The following PUM1 variants were observed in gnomAD, a reference collection of about 807,000 sequenced individuals.
The protein encoded by PUM1 is pumilio homolog 1.
A neutral mutation model predicts 131.8 loss-of-function variants in PUM1; 13 were observed. The ratio of observed to expected loss-of-function variants is 0.10; its 90% CI spans 0.06 to 0.16. PUM1 has a LOEUF of 0.16. PUM1 is among the 10% of genes least tolerant of loss of function. The probability of loss-of-function intolerance (pLI) is 1.00; values close to 1 mark genes in which losing one functional copy is unlikely to be tolerated. For missense variants in PUM1, 961 were observed against 1,512.4 expected (o/e 0.64, Z 6.05); for synonymous variants, 509 against 556.5 (o/e 0.91, Z 1.20).
chr1:31,020,612 G>A (rs1405171473), intron 3 of PUM1, among the ~76,000 whole-genome samples: 1 of 152,088 alleles, frequency 6.6e-6, no homozygotes, highest in Non-Finnish European at 1.5e-5. Context: ...CAGCCCGACT[G>A]AGATAACAAA....
Position 31,026,365 on chromosome 1 carries a change from C to G in PUM1, c.432+2431G>C, listed in dbSNP as rs565572775. Among the ~76,000 whole-genome samples the G allele has an allele frequency of 1.1e-4, 16 of 152,200 alleles. No individual in the cohort carries two copies. The South Asian group carries it at 3.3e-3, about 32-fold the overall frequency. On this transcript the variant is annotated intron_variant, in intron 3 of 21. Coordinates refer to ENST00000426105, the MANE Select transcript of PUM1 (RefSeq NM_001020658.2). ...CTCTTAATCTGTACCTATCCAAAGC[C>G]TAACTAAACTAGAAGATGCTTTTTA...
Position 31,056,609 on chromosome 1 carries a change from C to CTTTTTTTTTT in PUM1, c.363+2585_363+2594dup, listed in dbSNP as rs57685772. The stretch of plus-strand genomic sequence containing the variant: ...CAGCTGAAAACCTTCCTTTTCTTTT[C>CTTTTTTTTTT]TTTTTTTTTTTTTTTTTTTTTTTTT... On this transcript the variant is annotated intron_variant, in intron 2 of 21. Transcript: ENST00000426105. Among the ~76,000 whole-genome samples the CTTTTTTTTTT allele has an allele frequency of 9.8e-4, 43 of 43,712 alleles. 5 individuals carry two copies. The highest frequency in any genetic ancestry group is 1.5e-3 in the Non-Finnish European group (37 of 24,876). The allele number at this position is 43,712 out of a possible 152,430, so 28.7% of individuals were successfully genotyped here. A position where few individuals can be genotyped will look rare whatever the true frequency, so the allele number is the denominator to read the frequency against.
chr1:30,933,330 T>C lies in PUM1; in HGVS notation c.3448A>G (p.Ile1150Val), dbSNP rs756732126. Reference protein sequence around the residue: ...KIVMHKIRPHIATLRKYTYGK... With the variant: ...KIVMHKIRPHVATLRKYTYGK... Reference sequence around the variant, plus strand: ...TAGGTGTACTTACGAAGAGTTGCGATGTGGGGCCGGATCTGGGGAGGAAAG... The same window carrying C: ...TAGGTGTACTTACGAAGAGTTGCGACGTGGGGCCGGATCTGGGGAGGAAAG... The change falls in exon 22 of 22, where the codon ATC (isoleucine) becomes GTC (valine). Residue 1150 changes from isoleucine (I) to valine (V), a missense_variant. Around this residue, in one of 4 missense-constraint regions of PUM1, gnomAD observed 178 missense variants for 327.5 expected, o/e 0.54. Transcript: ENST00000426105. 1.9e-6 allele frequency: 3 copies of C among 1,613,886 alleles called. No homozygotes were observed. The highest frequency in any genetic ancestry group is 1.7e-5 in the Admixed American group (1 of 60,012).
chr1:30,961,224 AAGGAGCC>A (rs1169440610), intron 14 of PUM1, among the ~76,000 whole-genome samples: 1 of 151,726 alleles, frequency 6.6e-6, no homozygotes, highest in Non-Finnish European at 1.5e-5. Context: ...TAAAGAAAAA[AAGGAGCC>A]AGGAATAGTA....
Position 30,931,670 on chromosome 1 carries a change from T to G in PUM1, c.*1541A>C, listed in dbSNP as rs1638980617. On this transcript the variant is annotated 3_prime_UTR_variant, in exon 22 of 22. Coordinates refer to ENST00000426105, the MANE Select transcript of PUM1 (RefSeq NM_001020658.2). ...CTTGCAAAAAAGTTCATTGGAAATA[T>G]ACACAAGGCTCTGGAAATGTACACC... 6.6e-6 allele frequency: 1 copy of G among 152,654 alleles called. No homozygotes were observed. The highest frequency in any genetic ancestry group is 6.5e-5 in the Admixed American group (1 of 15,284). 9.5% of individuals were successfully genotyped at this position (152,654 alleles called of 1,614,324 possible).
At chr1:31,062,542 C>T (rs1166444456) in intron 1 of PUM1, among the ~76,000 whole-genome samples, 1 of 151,270 alleles carries the variant, frequency 6.6e-6, no homozygotes, top group East Asian at 1.9e-4. Context: ...ATCGCTTGAA[C>T]CCAGGAGGCG....
intron 9 of PUM1, among the ~76,000 whole-genome samples, chr1:30,979,331 C>T (rs531689824): frequency 3.9e-5 from 6 of 152,248 alleles, no homozygotes; most frequent in Admixed American, 2.0e-4. Context: ...ATCTGTACTG[C>T]TACAATGTAT....
chr1:31,048,238 A>G (rs934926937), intron 2 of PUM1, among the ~76,000 whole-genome samples: 2 of 151,886 alleles, frequency 1.3e-5, no homozygotes, highest in South Asian at 2.1e-4. Flanking sequence ...GACTGTCTCA[A>G]AAACAATAAA....
At chr1:31,021,270 T>TTTATTCTCTCCC (rs1643016979) in intron 3 of PUM1, among the ~76,000 whole-genome samples, 1 of 152,216 alleles carries the variant, frequency 6.6e-6, no homozygotes, top group Non-Finnish European at 1.5e-5. Flanking sequence ...GCTTTCAGTT[T>TTTATTCTCTCCC]TGTCTGTTCT....
At chr1:31,033,803 C>G (rs1394282006) in intron 2 of PUM1, among the ~76,000 whole-genome samples, 1 of 152,068 alleles carries the variant, frequency 6.6e-6, no homozygotes, top group Non-Finnish European at 1.5e-5. Context: ...CCACCACACC[C>G]AGCTAATTGT....
At chr1:31,014,250 A>G (rs6668319) in intron 3 of PUM1, among the ~76,000 whole-genome samples, 103,323 of 148,666 alleles carry the variant, frequency 0.7, 37,504 homozygotes, top group African/African-American at 0.9. Flanking sequence ...GCAGTGAGCC[A>G]TGATTGTGCC....
At chr1:30,952,574 T>C (rs931479928) in intron 15 of PUM1, among the ~76,000 whole-genome samples, 7 of 151,584 alleles carry the variant, frequency 4.6e-5, no homozygotes, top group African/African-American at 1.5e-4. Flanking sequence ...CCTAACTTAA[T>C]TGAGCTTTGA....
At chr1:31,022,091 AC>A (rs753935297) in intron 3 of PUM1, among the ~76,000 whole-genome samples, 1,854 of 145,968 alleles carry the variant, frequency 0.013, 18 homozygotes, top group Non-Finnish European at 0.021. Context: ...AAAAAAAAAA[AC>A]AGAATTTGAA....
chr1:30,954,133 C>T (rs1640055027), intron 14 of PUM1, 152 bp from the exon 15 acceptor site: 2 of 821,718 alleles, frequency 2.4e-6, no homozygotes, highest in Non-Finnish European at 3.7e-6. Flanking sequence ...AGCGTCATGA[C>T]TTTCGTGGGT....
intron 2 of PUM1, among the ~76,000 whole-genome samples, chr1:31,035,359 C>T (rs1364858578): frequency 1.3e-5 from 2 of 151,458 alleles, no homozygotes; most frequent in Non-Finnish European, 2.9e-5. Context: ...CACCACTGCA[C>T]TCCAACCTGG....
intron 3 of PUM1, among the ~76,000 whole-genome samples, chr1:31,015,624 A>G (rs927342789): frequency 6.6e-6 from 1 of 150,462 alleles, no homozygotes; most frequent in Non-Finnish European, 1.5e-5. Context: ...TACAGACGTG[A>G]GCCATCACGC....
At chr1:30,986,122 T>G (rs1641548547) in intron 7 of PUM1, among the ~76,000 whole-genome samples, 1 of 152,152 alleles carries the variant, frequency 6.6e-6, no homozygotes, top group South Asian at 2.1e-4. Flanking sequence ...ACCTGGCTAA[T>G]TTTTGTATTT....
chr1:31,058,529 GCGGGCA>G (rs1644297624), intron 2 of PUM1, among the ~76,000 whole-genome samples: 1 of 152,024 alleles, frequency 6.6e-6, no homozygotes, highest in South Asian at 2.1e-4. Flanking sequence ...CAGGCATGGT[GCGGGCA>G]CCTGTAGTCC....
chr1:31,016,289 C>T (rs1234445778), intron 3 of PUM1, among the ~76,000 whole-genome samples: 1 of 152,112 alleles, frequency 6.6e-6, no homozygotes, highest in Non-Finnish European at 1.5e-5. Context: ...AAGAGATACC[C>T]AACCTGTAAT....
Sources: allele counts gnomAD v4.1 joint callset (sites outside exome capture counted in the v4.1 genomes callset), GRCh38; gene constraint gnomAD v4.1.1; regional missense constraint gnomAD v4.1.1; transcripts MANE v1.5; gene names NCBI Gene and HGNC (gene_info 2026-07-23, HGNC 2026-07-21).